Variants in DSCAM observed in about 807,000 individuals in gnomAD.
DSCAM encodes cell adhesion molecule DSCAM.
DSCAM carries 47 observed loss-of-function variants against 217.7 expected under a neutral mutation model. That is an observed-to-expected ratio of 0.22 (90% CI 0.17 to 0.28). The LOEUF is 0.28. Among genes scored for constraint, DSCAM ranks in the 10% least tolerant of loss-of-function variants. The pLI is 1.00. For synonymous variants in DSCAM, 1,056 were observed against 1,015.3 expected, an observed-to-expected ratio of 1.04 and a Z score of -0.76; for missense variants, 2,080 against 2,618.3, an observed-to-expected ratio of 0.79 and a Z score of 4.49.
At chr21:40,046,478 AGGTATGAATGATAATT>A (rs551811734) in intron 30 of DSCAM, among the ~76,000 whole-genome samples, 252 of 152,240 alleles carry the variant, frequency 1.7e-3, no homozygotes, top group Non-Finnish European at 2.7e-3. Context: ...CTACACAACC[AGGTATGAATGATAATT>A]GGGTTTCTTC....
rs192527491 is a variant in DSCAM, at chr21:40,055,678, T to A, written c.5035+47A>T. 89 of 1,458,020 alleles carry A rather than the reference T, an allele frequency of 6.1e-5. No homozygotes were observed. In the African/African-American group the frequency reaches 1.2e-3, roughly 19 times the overall value. 90.3% of individuals were successfully genotyped at this position (1,458,020 alleles called of 1,614,324 possible). ...TCCTGGGGTTTGGATTGAGAAGGCA[T>A]GGCTGTGGCAGCCACTTTGTGTAAA... On this transcript the variant is annotated intron_variant, in intron 29 of 32. Coordinates refer to ENST00000400454, the MANE Select transcript of DSCAM (RefSeq NM_001389.5).
chr21:40,329,934 A>G (rs1402007507), intron 8 of DSCAM, among the ~76,000 whole-genome samples: 1 of 151,928 alleles, frequency 6.6e-6, no homozygotes, highest in Non-Finnish European at 1.5e-5. Flanking sequence ...TCAGGAGGAA[A>G]AGTCCAAGAG....
intron 11 of DSCAM, among the ~76,000 whole-genome samples, chr21:40,246,770 T>A (rs1475301587): frequency 6.6e-6 from 1 of 152,192 alleles, no homozygotes; most frequent in Admixed American, 6.5e-5. Flanking sequence ...GTCCCCAGGA[T>A]GCAGGACTTT....
intron 14 of DSCAM, among the ~76,000 whole-genome samples, chr21:40,184,467 A>G (rs2090872136): frequency 6.6e-6 from 1 of 152,206 alleles, no homozygotes; most frequent in East Asian, 1.9e-4. Context: ...CTGCCCCTTA[A>G]AATGACTTGC....
intron 15 of DSCAM, among the ~76,000 whole-genome samples, chr21:40,171,734 T>G (rs182960381): frequency 1.3e-5 from 2 of 152,290 alleles, no homozygotes; most frequent in East Asian, 3.9e-4. Context: ...AACATTACTT[T>G]AAAAATTTTT....
chr21:40,545,083 T>G (rs1005452333), intron 3 of DSCAM, among the ~76,000 whole-genome samples: 3 of 152,184 alleles, frequency 2.0e-5, no homozygotes, highest in East Asian at 1.9e-4. Context: ...CCCTCAAGAA[T>G]GAGATTAGTG....
chr21:40,115,798 A>G (rs373246606), intron 20 of DSCAM, among the ~76,000 whole-genome samples: 1 of 152,250 alleles, frequency 6.6e-6, no homozygotes. Context: ...CAATCCCATT[A>G]CTGGGTATAT....
chr21:40,517,207 T>A (rs973129022), intron 3 of DSCAM, among the ~76,000 whole-genome samples: 1 of 149,164 alleles, frequency 6.7e-6, no homozygotes, highest in East Asian at 2.0e-4. Flanking sequence ...TATACATATA[T>A]ATGCACACAT....
intron 1 of DSCAM, among the ~76,000 whole-genome samples, chr21:40,794,542 G>GAA (rs35301932): frequency 0.025 from 3,396 of 138,244 alleles, 133 homozygotes; most frequent in Admixed American, 0.1. Context: ...AGTCAAATTG[G>GAA]AAAAAAAAAA....
chr21:40,623,283 G>C (rs1443734429), intron 3 of DSCAM, among the ~76,000 whole-genome samples: 1 of 152,066 alleles, frequency 6.6e-6, no homozygotes, highest in Non-Finnish European at 1.5e-5. Flanking sequence ...TGGAGGTTAA[G>C]AGGCAGAAAT....
At chr21:40,079,810 CA>C (rs1298199592) in intron 25 of DSCAM, among the ~76,000 whole-genome samples, 1 of 110,528 alleles carries the variant, frequency 9.0e-6, no homozygotes, top group Non-Finnish European at 2.3e-5. Flanking sequence ...AAGGTGGGAG[CA>C]AGGGTGGCTA....
chr21:40,047,400 C>CTAAT (rs1190224912), intron 30 of DSCAM, among the ~76,000 whole-genome samples: 2 of 152,292 alleles, frequency 1.3e-5, no homozygotes, highest in African/African-American at 4.8e-5. Flanking sequence ...TCCCAGCATT[C>CTAAT]TAATATAAAT....
At chr21:40,160,382 T>C (rs138615477) in intron 16 of DSCAM, among the ~76,000 whole-genome samples, 1 of 152,368 alleles carries the variant, frequency 6.6e-6, no homozygotes, top group African/African-American at 2.4e-5. Flanking sequence ...TGGATTTAAC[T>C]TACGCTAATG....
chr21:40,394,808 T>A (rs943254548), intron 3 of DSCAM, among the ~76,000 whole-genome samples: 1 of 152,188 alleles, frequency 6.6e-6, no homozygotes, highest in Non-Finnish European at 1.5e-5. Context: ...ACCGAAGGCA[T>A]ACCAGTTCAG....
At chr21:40,116,708 AAG>A (rs1256551059) in intron 20 of DSCAM, among the ~76,000 whole-genome samples, 2 of 151,734 alleles carry the variant, frequency 1.3e-5, no homozygotes, top group African/African-American at 4.8e-5. Flanking sequence ...AAAAAAAAAA[AAG>A]AGAGAGATTC....
intron 3 of DSCAM, among the ~76,000 whole-genome samples, chr21:40,687,703 A>G (rs2090495745): frequency 6.6e-6 from 1 of 152,156 alleles, no homozygotes; most frequent in African/African-American, 2.4e-5. Flanking sequence ...CTTAAATCAC[A>G]ACCTCCTTTC....
intron 3 of DSCAM, among the ~76,000 whole-genome samples, chr21:40,450,930 T>C (rs1601653732): frequency 6.6e-6 from 1 of 152,340 alleles, no homozygotes; most frequent in East Asian, 1.9e-4. Context: ...TCTCTGCAGG[T>C]CACCTACCCT....
intron 3 of DSCAM, among the ~76,000 whole-genome samples, chr21:40,439,389 G>A (rs548180595): frequency 1.3e-5 from 2 of 152,334 alleles, no homozygotes; most frequent in South Asian, 4.1e-4. Flanking sequence ...TGGAACTGGA[G>A]TGAAGTCAGA....
At chr21:40,705,895 C>G (rs2090710117) in intron 2 of DSCAM, among the ~76,000 whole-genome samples, 1 of 152,160 alleles carries the variant, frequency 6.6e-6, no homozygotes, top group Non-Finnish European at 1.5e-5. Flanking sequence ...TGTTAGAAAG[C>G]AGTTTGTGGC....
Sources: allele counts gnomAD v4.1 joint callset (sites outside exome capture counted in the v4.1 genomes callset), GRCh38; gene constraint gnomAD v4.1.1; transcripts MANE v1.5; gene names NCBI Gene and HGNC (gene_info 2026-07-23, HGNC 2026-07-21).